The following EPS15 variants were observed in gnomAD, a reference collection of about 807,000 sequenced individuals.
EPS15 encodes epidermal growth factor receptor pathway substrate 15.
A neutral mutation model predicts 113.8 loss-of-function variants in EPS15; 72 were observed. The ratio of observed to expected loss-of-function variants is 0.63; its 90% confidence interval spans 0.52 to 0.77. The LOEUF (loss-of-function observed/expected upper bound fraction) is 0.77, where lower values mean the gene tolerates loss of function less well. Among genes scored for constraint, EPS15 ranks in the 30% least tolerant of loss-of-function variants. The pLI, the probability that EPS15 is intolerant of heterozygous loss-of-function variation, is 0.00. For missense variants in EPS15, 1,048 were observed against 1,045.8 expected, an observed-to-expected ratio of 1.00 and a Z score of -0.03; for synonymous variants, 344 against 363.4, an observed-to-expected ratio of 0.95 and a Z score of 0.61.
In EPS15 at chr1:51,383,972, G is replaced by GA. The variant is rs1646999367; in HGVS notation, c.2119+10408dup. 2.0e-5 allele frequency among the ~76,000 whole-genome samples: 3 copies of GA among 152,046 alleles called. No homozygotes were observed. The South Asian group carries it at 6.2e-4, about 32-fold the overall frequency. ...ATGAACAATCTGGAAAGGAAATTAA[G>GA]AAAACAATTCCATTTACAACAGCAT... On this transcript the variant is annotated intron_variant, in intron 21 of 24. Transcript: ENST00000371733.
At chr1:51,519,035 C>T (rs1226311233) in intron 1 of EPS15, among the ~76,000 whole-genome samples, 164 bp downstream of exon 1, 2 of 151,240 alleles carry the variant, frequency 1.3e-5, no homozygotes, top group Non-Finnish European at 3.0e-5. Flanking sequence ...CCGGAGGGCG[C>T]CCTCCCGCAG....
intron 1 of EPS15, among the ~76,000 whole-genome samples, chr1:51,515,664 G>A (rs1449683005): frequency 6.6e-6 from 1 of 152,118 alleles, no homozygotes; most frequent in Non-Finnish European, 1.5e-5. Flanking sequence ...TAGAGATTCA[G>A]AGGCAAAAAC....
chr1:51,445,948 G>A (rs1018521000), intron 10 of EPS15, among the ~76,000 whole-genome samples: 1 of 152,188 alleles, frequency 6.6e-6, no homozygotes, highest in African/African-American at 2.4e-5. Flanking sequence ...CATTTATTGA[G>A]TATAGTGCCT....
intron 1 of EPS15, among the ~76,000 whole-genome samples, chr1:51,513,267 G>A (rs1222448424): frequency 6.6e-6 from 1 of 152,042 alleles, no homozygotes; most frequent in Admixed American, 6.6e-5. Flanking sequence ...TGTAACAAAA[G>A]ATTGAAAACA....
chr1:51,418,972 A>G (rs539874748), intron 13 of EPS15, among the ~76,000 whole-genome samples: 36 of 152,284 alleles, frequency 2.4e-4, no homozygotes, highest in Non-Finnish European at 5.0e-4. Context: ...GGCATATGAG[A>G]GTGAATTTCT....
At chr1:51,459,132 T>A (rs748790852) in intron 8 of EPS15, 1 of 152,154 alleles carries the variant, frequency 6.6e-6, no homozygotes, top group Non-Finnish European at 1.5e-5. Context: ...CTGGCTCTTG[T>A]GGAAAATGAG....
chr1:51,374,091 T>G (rs934058473), intron 21 of EPS15, among the ~76,000 whole-genome samples: 4 of 152,216 alleles, frequency 2.6e-5, no homozygotes, highest in African/African-American at 9.6e-5. Context: ...AGTCATTGCC[T>G]GTAAAAAGGA....
At chr1:51,501,454 A>C (rs868085841) in intron 1 of EPS15, among the ~76,000 whole-genome samples, 2 of 151,924 alleles carry the variant, frequency 1.3e-5, no homozygotes, top group Non-Finnish European at 2.9e-5. Flanking sequence ...TGGTAGTATT[A>C]TTAGTTTTTT....
chr1:51,455,693 A>G (rs867599603), intron 8 of EPS15, among the ~76,000 whole-genome samples: 73 of 152,220 alleles, frequency 4.8e-4, no homozygotes, highest in Admixed American at 1.2e-3. Context: ...TAAACTCGGA[A>G]ATATATTTCC....
At chr1:51,465,602 C>T (rs549554585) in intron 5 of EPS15, among the ~76,000 whole-genome samples, 9 of 152,094 alleles carry the variant, frequency 5.9e-5, no homozygotes, top group Non-Finnish European at 1.2e-4. Context: ...GGCATGATTT[C>T]GGCTCACTGC....
At chr1:51,473,672 T>C (rs1655402953) in intron 2 of EPS15, among the ~76,000 whole-genome samples, 1 of 152,072 alleles carries the variant, frequency 6.6e-6, no homozygotes, top group Non-Finnish European at 1.5e-5. Context: ...TTTGTAAAAA[T>C]GAAAAGTACA....
At chr1:51,360,164 G>A (rs1646348966) in intron 24 of EPS15, among the ~76,000 whole-genome samples, 1 of 152,128 alleles carries the variant, frequency 6.6e-6, no homozygotes, top group Non-Finnish European at 1.5e-5. Context: ...ATGGCCCAAT[G>A]CTACACTGAG....
At chr1:51,384,503 T>A (rs925642694) in intron 21 of EPS15, among the ~76,000 whole-genome samples, 2 of 152,106 alleles carry the variant, frequency 1.3e-5, no homozygotes, top group Middle Eastern at 6.8e-3. Flanking sequence ...AGTCTCACTA[T>A]GTTGCCCAGG....
chr1:51,414,558 C>T (rs990395864), intron 13 of EPS15, among the ~76,000 whole-genome samples: 3 of 152,106 alleles, frequency 2.0e-5, no homozygotes, highest in Admixed American at 6.6e-5. Flanking sequence ...TTTTCTCTTT[C>T]CCTTTAACTA....
chr1:51,490,348 G>A (rs753202054), intron 1 of EPS15: 4 of 431,752 alleles, frequency 9.3e-6, no homozygotes, highest in South Asian at 1.6e-5. Context: ...GGCAAATCAC[G>A]AGGTCAGGAG....
At chr1:51,498,468 A>G (rs1258421685) in intron 1 of EPS15, among the ~76,000 whole-genome samples, 1 of 152,220 alleles carries the variant, frequency 6.6e-6, no homozygotes, top group East Asian at 1.9e-4. Flanking sequence ...ATTATATGAG[A>G]TGTTCAAAAT....
intron 16 of EPS15, among the ~76,000 whole-genome samples, chr1:51,404,815 C>T (rs1648943253): frequency 6.6e-6 from 1 of 152,160 alleles, no homozygotes; most frequent in Non-Finnish European, 1.5e-5. Context: ...ATATCTGGCT[C>T]TATCCCAGAA....
chr1:51,447,346 A>T (rs144509716), intron 9 of EPS15, among the ~76,000 whole-genome samples: 297 of 152,324 alleles, frequency 1.9e-3, no homozygotes, highest in Middle Eastern at 3.4e-3. Context: ...ACTTTTTTTT[A>T]AGAAATGAGT....
chr1:51,375,810 A>AAAAAC (rs1349609648), intron 21 of EPS15, among the ~76,000 whole-genome samples: 2 of 152,252 alleles, frequency 1.3e-5, no homozygotes, highest in Non-Finnish European at 2.9e-5. Flanking sequence ...CGTTGTAACT[A>AAAAAC]AAAACAAAAC....
Sources: gnomAD v4.1 joint callset for allele counts (sites outside exome capture counted in the v4.1 genomes callset) on GRCh38, gnomAD v4.1.1 for gene constraint, MANE v1.5 for transcripts, NCBI Gene and HGNC (gene_info 2026-07-23, HGNC 2026-07-21) for gene names.